Variants in UBE2F observed in about 807,000 individuals in gnomAD.
UBE2F encodes ubiquitin conjugating enzyme E2 F (putative).
UBE2F carries 5 observed loss-of-function variants against 29.6 expected under a neutral mutation model. The observed-to-expected ratio is 0.17, with a 90% CI of 0.09 to 0.36. The LOEUF (loss-of-function observed/expected upper bound fraction) is 0.36. UBE2F is among the 10% of genes least tolerant of loss of function. The probability of loss-of-function intolerance (pLI) is 1.00; values close to 1 mark genes in which losing one functional copy is unlikely to be tolerated. For synonymous variants in UBE2F, 66 were observed against 81.8 expected (o/e 0.81, Z 1.04); for missense variants, 141 against 228.5 (o/e 0.62, Z 2.47).
At chr2:238,023,063 T>C (rs1255698721) in intron 5 of UBE2F, among the ~76,000 whole-genome samples, 7 of 152,156 alleles carry the variant, frequency 4.6e-5, no homozygotes, top group African/African-American at 1.7e-4. Flanking sequence ...TGCATGGTCA[T>C]GTGTGAGGGC....
At chr2:237,988,953 C>T (rs1238273221) in intron 3 of UBE2F, among the ~76,000 whole-genome samples, 1 of 152,140 alleles carries the variant, frequency 6.6e-6, no homozygotes, top group South Asian at 2.1e-4. Flanking sequence ...ACCGTACATT[C>T]GGAAAGCTAT....
chr2:238,030,223 C>T (rs1245335579), intron 6 of UBE2F, among the ~76,000 whole-genome samples: 1 of 152,184 alleles, frequency 6.6e-6, no homozygotes, highest in African/African-American at 2.4e-5. Context: ...CATGAGCCAC[C>T]ATACCCAGCC....
At chr2:237,971,379 G>A (rs2063173110) in intron 1 of UBE2F, among the ~76,000 whole-genome samples, 1 of 152,186 alleles carries the variant, frequency 6.6e-6, no homozygotes, top group African/African-American at 2.4e-5. Context: ...CTGGAGTGCA[G>A]TGGTGCAATC....
chr2:237,975,101 TA>T (rs200405941), intron 2 of UBE2F, among the ~76,000 whole-genome samples: 3 of 146,514 alleles, frequency 2.0e-5, no homozygotes, highest in African/African-American at 8.2e-5. Flanking sequence ...TACATTTCTT[TA>T]AAATTTTTTT....
intron 3 of UBE2F, among the ~76,000 whole-genome samples, chr2:237,993,271 C>T (rs983294279): frequency 1.3e-5 from 2 of 152,064 alleles, no homozygotes; most frequent in Non-Finnish European, 1.5e-5. Context: ...CAGACATGAT[C>T]CACCATGCCT....
intron 4 of UBE2F, among the ~76,000 whole-genome samples, chr2:237,996,448 A>G (rs562660904): frequency 8.1e-5 from 12 of 148,888 alleles, no homozygotes; most frequent in Non-Finnish European, 1.6e-4. Flanking sequence ...AAGTCTGGAT[A>G]AATGTTTCTT....
At chr2:238,006,985 A>G (rs1255582320) in intron 4 of UBE2F, among the ~76,000 whole-genome samples, 2 of 151,370 alleles carry the variant, frequency 1.3e-5, no homozygotes, top group African/African-American at 2.4e-5. Flanking sequence ...CGAACTCCCA[A>G]CCTCAGGTGA....
At chr2:238,023,235 C>T (rs2064336149) in intron 5 of UBE2F, among the ~76,000 whole-genome samples, 1 of 152,246 alleles carries the variant, frequency 6.6e-6, no homozygotes, top group African/African-American at 2.4e-5. Flanking sequence ...GTCTGACCTT[C>T]CCTCTGCAGC....
At chr2:238,001,689 G>A (rs920062048) in intron 4 of UBE2F, among the ~76,000 whole-genome samples, 6 of 151,854 alleles carry the variant, frequency 4.0e-5, no homozygotes, top group East Asian at 3.9e-4. Context: ...GTGTGGTGGC[G>A]GGCGCCTGTA....
At chr2:238,007,691 A>G (rs1311267792) in intron 4 of UBE2F, among the ~76,000 whole-genome samples, 1 of 152,126 alleles carries the variant, frequency 6.6e-6, no homozygotes, top group Non-Finnish European at 1.5e-5. Context: ...TTATTTTTCA[A>G]ATGTTGAACC....
chr2:237,977,811 G>A (rs1380961297), intron 2 of UBE2F, among the ~76,000 whole-genome samples: 1 of 152,080 alleles, frequency 6.6e-6, no homozygotes, highest in Non-Finnish European at 1.5e-5. Context: ...AACTGTCATC[G>A]GGTACTGTGG....
At chr2:238,041,238 C>T (rs776908548) in intron 9 of UBE2F, 50 bp from the exon 10 acceptor site, 18 of 1,573,222 alleles carry the variant, frequency 1.1e-5, no homozygotes, top group Admixed American at 5.0e-5. Flanking sequence ...TTCACTCACT[C>T]ACTCACTCCT....
chr2:238,020,349 C>T (rs1368364509), intron 5 of UBE2F, among the ~76,000 whole-genome samples: 3 of 152,166 alleles, frequency 2.0e-5, no homozygotes, highest in East Asian at 3.9e-4. Context: ...AGGAAAATCA[C>T]ATAGGCACAG....
chr2:238,026,119 C>G (rs1296262440), intron 6 of UBE2F, among the ~76,000 whole-genome samples: 1 of 152,242 alleles, frequency 6.6e-6, no homozygotes, highest in African/African-American at 2.4e-5. Flanking sequence ...GCTTTGATAT[C>G]AGACCACCTG....
chr2:238,010,650 AG>A (rs1367797027), intron 4 of UBE2F, among the ~76,000 whole-genome samples: 1 of 152,120 alleles, frequency 6.6e-6, no homozygotes. Flanking sequence ...GGGAACCTCA[AG>A]GCTTCACCCT....
At chr2:238,006,347 A>G (rs957546289) in intron 4 of UBE2F, among the ~76,000 whole-genome samples, 4 of 152,190 alleles carry the variant, frequency 2.6e-5, no homozygotes, top group African/African-American at 4.8e-5. Context: ...CCCCACCTCA[A>G]ACAAACAATG....
intron 2 of UBE2F, among the ~76,000 whole-genome samples, chr2:237,979,907 G>A (rs2063347263): frequency 1.3e-5 from 2 of 152,242 alleles, no homozygotes; most frequent in African/African-American, 4.8e-5. Context: ...CCAGAGCCTG[G>A]AGGGGACCAT....
intron 2 of UBE2F, among the ~76,000 whole-genome samples, chr2:237,987,176 T>C (rs908326394): frequency 1.3e-5 from 2 of 152,182 alleles, no homozygotes; most frequent in African/African-American, 4.8e-5. Flanking sequence ...CTTTCATCAA[T>C]GTTTTACAGT....
intron 3 of UBE2F, among the ~76,000 whole-genome samples, chr2:237,989,201 A>G (rs2063537004): frequency 1.3e-5 from 2 of 152,146 alleles, no homozygotes; most frequent in African/African-American, 4.8e-5. Context: ...AGTGCTAGAG[A>G]GAACTTAGGA....
Sources: allele counts gnomAD v4.1 joint callset (sites outside exome capture counted in the v4.1 genomes callset), GRCh38; gene constraint gnomAD v4.1.1; transcripts MANE v1.5; gene names NCBI Gene and HGNC (gene_info 2026-07-23, HGNC 2026-07-21).